Variants in GTF3C5 observed in about 807,000 individuals in gnomAD.
GTF3C5 encodes general transcription factor IIIC subunit 5, also known as general transcription factor 3C polypeptide 5.
GTF3C5 carries 47 observed loss-of-function variants against 61.0 expected under a neutral mutation model. The ratio of observed to expected loss-of-function variants is 0.77; its 90% CI spans 0.61 to 0.98. The LOEUF (loss-of-function observed/expected upper bound fraction) is 0.98. Ranked by LOEUF, GTF3C5 falls within the 50% of genes least tolerant of loss-of-function variation. The pLI is 0.00. For synonymous variants in GTF3C5, 295 were observed against 275.4 expected (o/e 1.07, Z -0.71); for missense variants, 659 against 703.3 (o/e 0.94, Z 0.71).
chr9:133,040,626 T>A (rs1482716567), intron 1 of GTF3C5, among the ~76,000 whole-genome samples: 1 of 152,214 alleles, frequency 6.6e-6, no homozygotes, highest in Non-Finnish European at 1.5e-5. Flanking sequence ...AGAGCCCAAA[T>A]GGTTGTTACT....
At chr9:133,031,724 C>T (rs1027372260) in intron 1 of GTF3C5, among the ~76,000 whole-genome samples, 8 of 152,200 alleles carry the variant, frequency 5.3e-5, no homozygotes, top group Admixed American at 5.2e-4. Context: ...CTATCTCTTA[C>T]ACAGCTAGTC....
At position 133,042,134 on chromosome 9, in the gene GTF3C5, G is replaced by T; in HGVS notation, c.201G>T (p.Lys67Asn). The change falls in exon 2 of 11, where the codon AAG (lysine) becomes AAT (asparagine). Residue 67 changes from lysine to asparagine, a missense_variant. Physicochemically the swap from Lys to Asn is moderately conservative, Grantham distance 94. Transcript: ENST00000372097. ...TKRLELYFRP[K>N]DPYCHPVCAN... is the part of the protein sequence containing the mutation. ...GGCTGGAGCTGTACTTCCGGCCCAA[G>T]GACCCATACTGCCACCCAGTGTGCG... 1 of 1,614,004 alleles carries T rather than the reference G, an allele frequency of 6.2e-7. No homozygotes were observed. Among genetic ancestry groups the T allele is most frequent in the Non-Finnish European group, 8.5e-7 (1 of 1,179,984 alleles).
intron 1 of GTF3C5, among the ~76,000 whole-genome samples, chr9:133,038,328 C>T (rs1464138629): frequency 6.6e-6 from 1 of 151,856 alleles, no homozygotes; most frequent in African/African-American, 2.4e-5. Context: ...TCCTTGGCAA[C>T]GGAGAGTGTG....
chr9:133,036,352 A>G (rs1288578043), intron 1 of GTF3C5, among the ~76,000 whole-genome samples: 1 of 152,178 alleles, frequency 6.6e-6, no homozygotes, highest in Non-Finnish European at 1.5e-5. Context: ...GGTTTAAGAT[A>G]GTTCTAACTT....
Position 133,054,695 on chromosome 9 carries a change from C to T in GTF3C5, c.1070-17C>T. The T allele has an allele frequency of 2.6e-6, 4 of 1,553,944 alleles. 1 individual carries two copies. The highest frequency in any genetic ancestry group is 3.5e-6 in the Non-Finnish European group (4 of 1,147,292). On this transcript the variant is annotated splice_polypyrimidine_tract_variant and intron_variant, in intron 7 of 10. Coordinates refer to ENST00000372097, the MANE Select transcript of GTF3C5 (RefSeq NM_012087.4). ...CCCACCCTGCACATTCCAAGCACTG[C>T]TGTTGTCCCCACGCAGCCAGCCAGC...
intron 7 of GTF3C5, 28 bp from the exon 8 acceptor site, chr9:133,054,684 T>G (rs1486056944): frequency 6.5e-7 from 1 of 1,544,890 alleles, no homozygotes; most frequent in Non-Finnish European, 8.8e-7. Context: ...CCCTGCACAT[T>G]CCAAGCACTG....
In GTF3C5 at chr9:133,043,938, C is replaced by G. The variant is rs527961085; in HGVS notation, c.572+12C>G. The G allele has an allele frequency of 6.3e-7, 1 of 1,599,830 alleles. No individual in the cohort carries two copies. The highest frequency in any genetic ancestry group is 8.6e-7 in the Non-Finnish European group (1 of 1,167,566). On this transcript the variant is annotated intron_variant, in intron 3 of 10. Transcript: ENST00000372097. ...GAGACCCAGCACCGGTAAGGCCCCC[C>G]TCCATGCAGCCTCGGTTCTCTATCC...
intron 3 of GTF3C5, among the ~76,000 whole-genome samples, chr9:133,047,563 C>A (rs1028236103): frequency 5.9e-5 from 9 of 151,812 alleles, no homozygotes; most frequent in African/African-American, 1.9e-4. Flanking sequence ...CTCTTGTCAC[C>A]CAGGCTGGAA....
intron 3 of GTF3C5, among the ~76,000 whole-genome samples, chr9:133,047,942 TAGTG>T (rs1471823227): frequency 5.9e-5 from 9 of 152,266 alleles, no homozygotes; most frequent in Admixed American, 4.6e-4. Context: ...CTGAGCGACA[TAGTG>T]AGACCCTGTG....
Position 133,056,756 on chromosome 9 carries a change from C to T in GTF3C5, c.1251-10C>T, listed in dbSNP as rs746325508. 6.3e-7 allele frequency: 1 copy of T among 1,589,358 alleles called. No homozygotes were observed. Among genetic ancestry groups the T allele is most frequent in the South Asian group, 1.1e-5 (1 of 87,660 alleles). On this transcript the variant is annotated splice_polypyrimidine_tract_variant and intron_variant, in intron 9 of 10. Coordinates refer to ENST00000372097, the MANE Select transcript of GTF3C5 (RefSeq NM_012087.4). ...GGGACTTTATGTCCCAACCCTCTCC[C>T]CACCCCCAGGTTGCAGAAGATCATT...
At position 133,048,767 on chromosome 9, in the gene GTF3C5, T is replaced by C. The variant is rs1425126487; in HGVS notation, c.573-2016T>C. 3.3e-5 allele frequency among the ~76,000 whole-genome samples: 5 copies of C among 152,208 alleles called. No homozygotes were observed. The East Asian group carries it at 9.6e-4, about 29-fold the overall frequency. Reference sequence around the variant, plus strand: ...TCTGCCCTGTGGGCCAGTGGGAAGCTGTTTCCAGCCCCTGGGGTAAAATGA... The same window carrying C: ...TCTGCCCTGTGGGCCAGTGGGAAGCCGTTTCCAGCCCCTGGGGTAAAATGA... On this transcript the variant is annotated intron_variant, in intron 3 of 10. Coordinates refer to ENST00000372097, the MANE Select transcript of GTF3C5 (RefSeq NM_012087.4).
intron 10 of GTF3C5, 75 bp downstream of exon 10, chr9:133,056,983 A>G: frequency 7.2e-7 from 1 of 1,383,978 alleles, no homozygotes; most frequent in Non-Finnish European, 9.6e-7. Flanking sequence ...CCCTAAGGGG[A>G]CCCATTCCTG....
chr9:133,055,642 G>T, intron 8 of GTF3C5: 1 of 985,422 alleles, frequency 1.0e-6, no homozygotes, highest in Non-Finnish European at 1.2e-6. Flanking sequence ...GGGACATAGG[G>T]TGACAAATTA....
upstream of GTF3C5, chr9:133,030,825 C>T (rs1849703118): frequency 1.4e-6 from 1 of 700,176 alleles, no homozygotes; most frequent in Non-Finnish European, 2.6e-6. Flanking sequence ...GTCGTTTTCC[C>T]GAAGACATGG....
Position 133,058,209 on chromosome 9 carries a change from C to T in GTF3C5, c.*229C>T. 1 of 1,302,962 alleles carries T rather than the reference C, an allele frequency of 7.7e-7. No individual in the cohort carries two copies. Among genetic ancestry groups the T allele is most frequent in the Non-Finnish European group, 9.8e-7 (1 of 1,018,598 alleles). The allele number at this position is 1,302,962 out of a possible 1,614,324, so 80.7% of individuals were successfully genotyped here. A position where few individuals can be genotyped will look rare whatever the true frequency, so the allele number is the denominator to read the frequency against. On this transcript the variant is annotated 3_prime_UTR_variant, in exon 11 of 11. Transcript: ENST00000372097. ...TAGGGACATCCCCAAAGGGTATACC[C>T]TGGCTCTGCCACCCATGAACCAGCC... is the stretch of plus-strand genomic sequence containing the variant.
intron 1 of GTF3C5, among the ~76,000 whole-genome samples, chr9:133,033,600 CAG>C (rs1395326974): frequency 6.6e-6 from 1 of 152,102 alleles, no homozygotes; most frequent in East Asian, 1.9e-4. Context: ...TGTTGAACCT[CAG>C]GGAACAGCAG....
chr9:133,057,025 C>T (rs921474400), intron 10 of GTF3C5, 117 bp downstream of exon 10: 6 of 1,009,418 alleles, frequency 5.9e-6, no homozygotes, highest in Non-Finnish European at 8.4e-6. Flanking sequence ...TCATCTTGCC[C>T]CTGGCCCTGG....
At chr9:133,040,121 C>G (rs1167156583) in intron 1 of GTF3C5, among the ~76,000 whole-genome samples, 1 of 152,180 alleles carries the variant, frequency 6.6e-6, no homozygotes, top group East Asian at 1.9e-4. Context: ...GGGAAGGGAC[C>G]TTCCTTACTC....
At position 133,056,747 on chromosome 9, in the gene GTF3C5, A is replaced by ACCCTCTCC. The variant is rs748725680; in HGVS notation, c.1251-16_1251-9dup. On this transcript the variant is annotated intron_variant, in intron 9 of 10. Transcript: ENST00000372097. ...ACCCGCCCTGGGACTTTATGTCCCA[A>ACCCTCTCC]CCCTCTCCCCACCCCCAGGTTGCAG... 1 of 1,581,636 alleles carries ACCCTCTCC rather than the reference A, an allele frequency of 6.3e-7. No individual in the cohort carries two copies. The highest frequency in any genetic ancestry group is 1.2e-5 in the South Asian group (1 of 86,262).
Sources: allele counts gnomAD v4.1 joint callset (sites outside exome capture counted in the v4.1 genomes callset), GRCh38; gene constraint gnomAD v4.1.1; transcripts MANE v1.5; gene names NCBI Gene and HGNC (gene_info 2026-07-23, HGNC 2026-07-21).